Variants in METTL16 observed in about 807,000 individuals in gnomAD.
The protein encoded by METTL16 is methyltransferase 16, RNA N6-adenosine.
In METTL16, 19 loss-of-function variants were observed where a neutral mutation model predicts 57.9. That is an observed-to-expected ratio of 0.33 (90% CI 0.23 to 0.48). The LOEUF (loss-of-function observed/expected upper bound fraction) is 0.48, where lower values mean the gene tolerates loss of function less well. Ranked by LOEUF, METTL16 falls within the 20% of genes least tolerant of loss-of-function variation. The probability of loss-of-function intolerance (pLI) is 0.99; values close to 1 mark genes in which losing one functional copy is unlikely to be tolerated. For synonymous variants in METTL16, 246 were observed against 255.6 expected (o/e 0.96, Z 0.36); for missense variants, 434 against 691.5 (o/e 0.63, Z 4.18).
chr17:2,497,209 T>C (rs2067452660), intron 2 of METTL16, among the ~76,000 whole-genome samples: 1 of 151,214 alleles, frequency 6.6e-6, no homozygotes. Flanking sequence ...TTTCACCATG[T>C]TGGCCAGACT....
intron 4 of METTL16, among the ~76,000 whole-genome samples, chr17:2,472,997 G>A (rs1170667821): frequency 6.6e-6 from 1 of 151,968 alleles, no homozygotes; most frequent in Non-Finnish European, 1.5e-5. Context: ...ATGAACTGTG[G>A]GTGATAATGA....
intron 2 of METTL16, among the ~76,000 whole-genome samples, chr17:2,492,179 C>G (rs922304599): frequency 6.6e-6 from 1 of 152,100 alleles, no homozygotes; most frequent in Non-Finnish European, 1.5e-5. Context: ...CCACTGCACT[C>G]CAGCCTGGGC....
rs941872858 is a variant in METTL16 at position 2,420,665 on chromosome 17, AAAAAAG to A, written c.1062+60_1062+65del. Reference sequence around the variant, plus strand: ...CCTCTCTCCAAACTCTCAATAAAAAAAAAAAGAAAAAAGAAAAAAGAGAAGGATCAT... The same window carrying A: ...CCTCTCTCCAAACTCTCAATAAAAAAAAAAAAGAAAAAAGAGAAGGATCAT... On this transcript the variant is annotated intron_variant, in intron 9 of 9. Transcript: ENST00000263092. This position sits in a 1 kb window ranked among gnomAD's most constrained non-coding sequence, Gnocchi z 5.4. 7.7e-6 allele frequency: 12 copies of A among 1,558,292 alleles called. No homozygotes were observed. The African/African-American group carries it at 1.2e-4, about 15-fold the overall frequency.
chr17:2,420,926 GA>G lies in METTL16; in HGVS notation c.889-23del. ...GTGACTGCAAGAAAAAGGAAGCATA[GA>G]AAAGAGAAGAAAGTTATCCGAATAA... On this transcript the variant is annotated intron_variant, in intron 8 of 9. Transcript: ENST00000263092. The surrounding 1 kb of genome is among the most constrained non-coding windows in gnomAD (Gnocchi z 5.4). 3.7e-6 allele frequency: 6 copies of G among 1,603,970 alleles called. No homozygotes were observed. Among genetic ancestry groups the G allele is most frequent in the Non-Finnish European group, 5.1e-6 (6 of 1,176,198 alleles).
At chr17:2,437,188 C>A (rs1375731388) in intron 8 of METTL16, among the ~76,000 whole-genome samples, 3 of 152,156 alleles carry the variant, frequency 2.0e-5, no homozygotes, top group Non-Finnish European at 4.4e-5. Context: ...GGACACAAAT[C>A]ATTTCTTTAA....
At chr17:2,493,054 G>C (rs1405024841) in intron 2 of METTL16, among the ~76,000 whole-genome samples, 2 of 151,460 alleles carry the variant, frequency 1.3e-5, no homozygotes, top group Non-Finnish European at 2.9e-5. Flanking sequence ...GTGACACTCT[G>C]ACCCACTGAA....
At chr17:2,423,060 C>T (rs2066779512) in intron 8 of METTL16, among the ~76,000 whole-genome samples, 1 of 152,134 alleles carries the variant, frequency 6.6e-6, no homozygotes, top group African/African-American at 2.4e-5. Context: ...TAAAAGGAAT[C>T]TGACGACTGC....
intron 2 of METTL16, among the ~76,000 whole-genome samples, chr17:2,482,247 A>G (rs77169857): frequency 0.03 from 4,532 of 152,292 alleles, 210 homozygotes; most frequent in African/African-American, 0.1. Context: ...ATACGTAACA[A>G]AATCAATTTT....
intron 2 of METTL16, among the ~76,000 whole-genome samples, chr17:2,496,083 A>T (rs1447799927): frequency 6.6e-6 from 1 of 151,480 alleles, no homozygotes; most frequent in Non-Finnish European, 1.5e-5. Context: ...GCACTCCAGC[A>T]GCCAGGGTGA....
In METTL16 at chr17:2,424,994, G is replaced by C. The variant is rs115122512; in HGVS notation, c.889-4090C>G. Among the ~76,000 whole-genome samples the C allele has an allele frequency of 5.8e-3, 885 of 152,118 alleles. 11 individuals are homozygous for C. The highest frequency in any genetic ancestry group is 0.02 in the African/African-American group (846 of 41,510). On this transcript the variant is annotated intron_variant, in intron 8 of 9. Coordinates refer to ENST00000263092, the MANE Select transcript of METTL16 (RefSeq NM_024086.4). ...TAATTCATACTCCAGGAGTTCTCAG[G>C]CAAGGCTTTTAAATGATGAAAGATT...
At position 2,441,470 on chromosome 17, in the gene METTL16, C is replaced by G; in HGVS notation, c.798+20G>C. On this transcript the variant is annotated intron_variant, in intron 7 of 9. Transcript: ENST00000263092. The stretch of plus-strand genomic sequence containing the variant: ...ACAAAGAAAAGTAGCTACACGAGAA[C>G]AGTAATGAGGAAGCCTCACCCCTTG... The G allele has an allele frequency of 6.4e-7, 1 of 1,551,146 alleles. No individual in the cohort carries two copies.
At chr17:2,422,405 G>C (rs1366639271) in intron 8 of METTL16, among the ~76,000 whole-genome samples, 1 of 149,710 alleles carries the variant, frequency 6.7e-6, no homozygotes, top group Non-Finnish European at 1.5e-5. Context: ...ATTTATTTTT[G>C]AGATGGAATC....
At chr17:2,473,311 T>G (rs2067247144) in intron 4 of METTL16, among the ~76,000 whole-genome samples, 1 of 152,094 alleles carries the variant, frequency 6.6e-6, no homozygotes, top group African/African-American at 2.4e-5. Flanking sequence ...ATAGGCAAAT[T>G]CACAAAAAAA....
chr17:2,454,749 A>C (rs2067096814), intron 6 of METTL16, among the ~76,000 whole-genome samples: 2 of 148,704 alleles, frequency 1.3e-5, no homozygotes, highest in South Asian at 4.3e-4. Context: ...ATTTTAGTAG[A>C]GACAGGGTTT....
rs1184745507 is a variant in METTL16, at chr17:2,511,824, A to G, written c.-66T>C. The G allele has an allele frequency of 2.5e-6, 1 of 398,446 alleles. No homozygotes were observed. The highest frequency in any genetic ancestry group is 4.4e-6 in the Non-Finnish European group (1 of 226,084). 24.7% of individuals were successfully genotyped at this position (398,446 alleles called of 1,614,324 possible). On this transcript the variant is annotated 5_prime_UTR_variant, in exon 1 of 10. Coordinates refer to ENST00000263092, the MANE Select transcript of METTL16 (RefSeq NM_024086.4). ...GGGCCTGTACAACCCTAGAATCTTA[A>G]AGCAGCCGCATAGCGAAGCTCCTAG... is the stretch of plus-strand genomic sequence containing the variant.
intron 8 of METTL16, among the ~76,000 whole-genome samples, chr17:2,428,587 A>G (rs1462772424): frequency 2.1e-5 from 1 of 48,358 alleles, no homozygotes; most frequent in Non-Finnish European, 3.4e-5. Context: ...ATATATATAT[A>G]TATATATATA....
Position 2,441,472 on chromosome 17 carries a change from G to GT in METTL16, c.798+17dup. On this transcript the variant is annotated intron_variant, in intron 7 of 9. Coordinates refer to ENST00000263092, the MANE Select transcript of METTL16 (RefSeq NM_024086.4). ...AAAGAAAAGTAGCTACACGAGAACA[G>GT]TAATGAGGAAGCCTCACCCCTTGTA... The GT allele has an allele frequency of 6.4e-7, 1 of 1,563,414 alleles. No individual in the cohort carries two copies. The highest frequency in any genetic ancestry group is 1.2e-5 in the South Asian group (1 of 83,772).
At chr17:2,458,329 A>C (rs1055784208) in intron 6 of METTL16, among the ~76,000 whole-genome samples, 2 of 152,188 alleles carry the variant, frequency 1.3e-5, no homozygotes, top group African/African-American at 4.8e-5. Flanking sequence ...TCATTGCCAT[A>C]AAGGGCATCA....
chr17:2,459,683 T>C (rs1013153959), intron 6 of METTL16, among the ~76,000 whole-genome samples: 1 of 152,172 alleles, frequency 6.6e-6, no homozygotes, highest in Non-Finnish European at 1.5e-5. Flanking sequence ...CACGGTTGTA[T>C]AAACATTATG....
Sources: allele counts gnomAD v4.1 joint callset (sites outside exome capture counted in the v4.1 genomes callset), GRCh38; gene constraint gnomAD v4.1.1; non-coding constraint Gnocchi (gnomAD v3.1); transcripts MANE v1.5; gene names NCBI Gene and HGNC (gene_info 2026-07-23, HGNC 2026-07-21).